The following BCL11A variants were observed in gnomAD, a reference collection of about 807,000 sequenced individuals.
BCL11A encodes the protein B cell CLL/lymphoma 11A.
A neutral mutation model predicts 55.9 loss-of-function variants in BCL11A; 2 were observed. The ratio of observed to expected loss-of-function variants is 0.04; its 90% confidence interval spans 0.01 to 0.11. BCL11A has a LOEUF of 0.11. Among genes scored for constraint, BCL11A ranks in the 10% least tolerant of loss-of-function variants. BCL11A has a pLI of 1.00. For synonymous variants in BCL11A, 465 were observed against 473.4 expected, an observed-to-expected ratio of 0.98 and a Z score of 0.23; for missense variants, 817 against 1,137.1, an observed-to-expected ratio of 0.72 and a Z score of 4.05.
At chr2:60,507,170 C>T (rs1229049779) in intron 2 of BCL11A, among the ~76,000 whole-genome samples, 4 of 148,606 alleles carry the variant, frequency 2.7e-5, no homozygotes, top group Admixed American at 2.0e-4. Flanking sequence ...ATTAAATGCT[C>T]TTCTAGCTCT....
downstream of BCL11A, chr2:60,452,558 G>T (rs1558604737): frequency 6.2e-7 from 1 of 1,608,356 alleles, no homozygotes; most frequent in Non-Finnish European, 8.5e-7. Context: ...CCCCACCCCT[G>T]GGGGCTTCAA....
Position 60,461,644 on chromosome 2 carries a change from T to A in BCL11A, c.1268A>T (p.His423Leu). The A allele has an allele frequency of 6.2e-7, 1 of 1,613,932 alleles. No homozygotes were observed. ...ACTQASKLKR[H>L]MKTHMHKSSP... ...CGATTTGTGCATGTGCGTCTTCATG[T>A]GGCGCTTCAGCTTGCTGGCCTGGGT... is the stretch of plus-strand genomic sequence containing the variant. The change falls in exon 4 of 4, where the codon CAC (histidine) becomes CTC (leucine). Residue 423 changes from histidine (H) to leucine (L), a missense_variant. By Grantham distance (99) the His-to-Leu change is moderately conservative. Coordinates refer to ENST00000642384, the MANE Select transcript of BCL11A (RefSeq NM_022893.4).
intron 2 of BCL11A, among the ~76,000 whole-genome samples, chr2:60,488,861 G>A (rs1481656805): frequency 6.6e-6 from 1 of 152,216 alleles, no homozygotes; most frequent in African/African-American, 2.4e-5. Context: ...CCGGGTTCAA[G>A]CGATTCTCCT....
chr2:60,504,866 A>G (rs551296923), intron 2 of BCL11A, among the ~76,000 whole-genome samples: 2 of 152,320 alleles, frequency 1.3e-5, no homozygotes, highest in South Asian at 4.1e-4. Flanking sequence ...GCCCACCACT[A>G]GCTTCCTTGC....
intron 3 of BCL11A, among the ~76,000 whole-genome samples, chr2:60,464,396 C>T (rs1194669553): frequency 6.6e-6 from 1 of 152,018 alleles, no homozygotes; most frequent in Non-Finnish European, 1.5e-5. Context: ...AACTTGGGTC[C>T]CAAATAGGCT....
chr2:60,531,196 C>A (rs1052692789), intron 2 of BCL11A, among the ~76,000 whole-genome samples: 5 of 152,052 alleles, frequency 3.3e-5, no homozygotes, highest in Non-Finnish European at 5.9e-5. Flanking sequence ...TACCCTACTC[C>A]GGTCCAGGTT....
At chr2:60,539,166 G>A (rs1669806529) in intron 2 of BCL11A, among the ~76,000 whole-genome samples, 1 of 152,208 alleles carries the variant, frequency 6.6e-6, no homozygotes, top group South Asian at 2.1e-4. Context: ...TGCATATTAA[G>A]CTTGCTGTGT....
chr2:60,477,459 G>C (rs1168910517), intron 2 of BCL11A, among the ~76,000 whole-genome samples: 1 of 152,214 alleles, frequency 6.6e-6, no homozygotes, highest in Admixed American at 6.5e-5. Context: ...CATGGGTGGA[G>C]GGGCAAGGGG....
chr2:60,461,099 G>T lies in BCL11A; in HGVS notation c.1813C>A (p.Arg605Ser). Reference sequence around the variant, plus strand: ...GCCGACTCGCCCGGGGAGCAGCCGCGGCCATTAACAGTGCCATCGTCTATG... The same window carrying T: ...GCCGACTCGCCCGGGGAGCAGCCGCTGCCATTAACAGTGCCATCGTCTATG... ...DRIDDGTVNG[R>S]GCSPGESASG... The change falls in exon 4 of 4, where the codon CGC becomes AGC. Residue 605 changes from arginine to serine, a missense_variant. Arg to Ser is a moderately radical substitution (Grantham distance 110). Coordinates refer to ENST00000642384, the MANE Select transcript of BCL11A (RefSeq NM_022893.4). The T allele has an allele frequency of 3.7e-6, 6 of 1,603,206 alleles. No individual in the cohort carries two copies. Among genetic ancestry groups the T allele is most frequent in the Non-Finnish European group, 5.1e-6 (6 of 1,174,256 alleles).
chr2:60,504,002 A>G (rs896642943), intron 2 of BCL11A, among the ~76,000 whole-genome samples: 1 of 152,214 alleles, frequency 6.6e-6, no homozygotes, highest in Admixed American at 6.5e-5. Flanking sequence ...GGCCCAACCC[A>G]GCCAAAACCC....
At chr2:60,450,728 C>T (rs866459379), downstream of BCL11A, 2 of 152,224 alleles carry the variant, frequency 1.3e-5, no homozygotes, top group African/African-American at 2.4e-5. Flanking sequence ...ACAGGCCACT[C>T]GTGCAATCAG....
Position 60,461,833 on chromosome 2 carries a change from A to AGGGGGGGGGGTTGGCAGGGGGGGGG in BCL11A, c.1078_1079insCCCCCCCCCTGCCAACCCCCCCCCC (p.Leu360ProfsTer220). The stretch of plus-strand genomic sequence containing the variant: ...AGGAGGGGCGGATTGCAGAGGAGGG[A>AGGGGGGGGGGTTGGCAGGGGGGGGG]GGGGGGGCGTCGCCAGGAAGGGCGG... On this transcript the variant is annotated frameshift_variant, in exon 4 of 4. Coordinates refer to ENST00000642384, the MANE Select transcript of BCL11A (RefSeq NM_022893.4). LOFTEE classifies it high-confidence loss of function. The AGGGGGGGGGGTTGGCAGGGGGGGGG allele has an allele frequency of 1.7e-6, 1 of 605,346 alleles. No homozygotes were observed. Among genetic ancestry groups the AGGGGGGGGGGTTGGCAGGGGGGGGG allele is most frequent in the Non-Finnish European group, 2.3e-6 (1 of 433,506 alleles). The allele number at this position is 605,346 out of a possible 1,614,324, so 37.5% of individuals were successfully genotyped here. A position where few individuals can be genotyped will look rare whatever the true frequency, so the allele number is the denominator to read the frequency against.
At chr2:60,467,894 ATGGTGGTGGTAATGGTGG>A (rs1676909571) in intron 3 of BCL11A, among the ~76,000 whole-genome samples, 1 of 23,814 alleles carries the variant, frequency 4.2e-5, no homozygotes, top group Non-Finnish European at 8.8e-5. Flanking sequence ...GGTGGTAGTG[ATGGTGGTGGTAATGGTGG>A]TGGTGGTGGT....
chr2:60,532,354 A>T (rs1669496263), intron 2 of BCL11A, among the ~76,000 whole-genome samples: 1 of 148,346 alleles, frequency 6.7e-6, no homozygotes, highest in Non-Finnish European at 1.5e-5. Flanking sequence ...TTTTAAAACT[A>T]TTCTGTCATT....
chr2:60,462,155 C>G lies in BCL11A; in HGVS notation c.757G>C (p.Gly253Arg). ...IPGSVSREAS[G>R]LAEGRFPPTP... ...GGTGGAAAGCGCCCTTCTGCCAGGCCGGAAGCCTCTCTCGATACTGATCCT... is the reference window on the plus strand; with the variant it reads ...GGTGGAAAGCGCCCTTCTGCCAGGCGGGAAGCCTCTCTCGATACTGATCCT... The change falls in exon 4 of 4, where the codon GGC (glycine) becomes CGC (arginine). Residue 253 changes from glycine (G) to arginine (R), a missense_variant. By Grantham distance (125) the Gly-to-Arg change is moderately radical. Coordinates refer to ENST00000642384, the MANE Select transcript of BCL11A (RefSeq NM_022893.4). The G allele has an allele frequency of 6.4e-7, 1 of 1,567,294 alleles. No individual in the cohort carries two copies. Among genetic ancestry groups the G allele is most frequent in the Non-Finnish European group, 8.6e-7 (1 of 1,157,454 alleles).
intron 3 of BCL11A, among the ~76,000 whole-genome samples, chr2:60,467,954 CTGGTGGTGATGG>C (rs1676932744): frequency 2.5e-4 from 2 of 7,932 alleles, no homozygotes; most frequent in African/African-American, 9.6e-4. Flanking sequence ...GGTGATGGTA[CTGGTGGTGATGG>C]TGGTGGTGGT....
intron 2 of BCL11A, among the ~76,000 whole-genome samples, chr2:60,509,875 C>T (rs1018245168): frequency 6.6e-6 from 1 of 152,158 alleles, no homozygotes; most frequent in African/African-American, 2.4e-5. Flanking sequence ...CACACCCATC[C>T]TCTGAGCACC....
chr2:60,467,902 GGTA>G (rs1488244051), intron 3 of BCL11A, among the ~76,000 whole-genome samples: 3 of 110,822 alleles, frequency 2.7e-5, no homozygotes, highest in Non-Finnish European at 4.0e-5. Flanking sequence ...TGATGGTGGT[GGTA>G]ATGGTGGTGG....
At chr2:60,462,527 C>T in intron 3 of BCL11A, 103 bp from the exon 4 acceptor site, 1 of 1,490,520 alleles carries the variant, frequency 6.7e-7, no homozygotes, top group Admixed American at 2.3e-5. Context: ...CCCCACCCCT[C>T]AACCCCAAGG....
Sources: gnomAD v4.1 joint callset for allele counts (sites outside exome capture counted in the v4.1 genomes callset) on GRCh38, gnomAD v4.1.1 for gene constraint, MANE v1.5 for transcripts, NCBI Gene and HGNC (gene_info 2026-07-23, HGNC 2026-07-21) for gene names.